PAK5: variants seen among roughly 807,000 people sequenced by gnomAD.
PAK5 encodes serine/threonine-protein kinase PAK 5.
In PAK5, 16 loss-of-function variants were observed where a neutral mutation model predicts 65.9. The ratio of observed to expected loss-of-function variants is 0.24; its 90% CI spans 0.16 to 0.37. The LOEUF is 0.37. Ranked by LOEUF, PAK5 falls within the 10% of genes least tolerant of loss-of-function variation. PAK5 has a pLI of 1.00. For synonymous variants in PAK5, 371 were observed against 354.9 expected, an observed-to-expected ratio of 1.05 and a Z score of -0.51; for missense variants, 785 against 903.9, an observed-to-expected ratio of 0.87 and a Z score of 1.69.
chr20:9,738,170 C>CA (rs1175049908), intron 1 of PAK5, among the ~76,000 whole-genome samples: 2 of 150,160 alleles, frequency 1.3e-5, no homozygotes, highest in South Asian at 4.2e-4. Flanking sequence ...AACAAACAAA[C>CA]AAAAAAACAA....
chr20:9,768,166 C>T (rs982434457), intron 1 of PAK5, among the ~76,000 whole-genome samples: 21 of 151,590 alleles, frequency 1.4e-4, no homozygotes, highest in African/African-American at 4.8e-4. Context: ...TTTTTTTCTT[C>T]CTGTTTAAGT....
intron 1 of PAK5, among the ~76,000 whole-genome samples, chr20:9,803,067 A>G (rs1303854547): frequency 1.3e-5 from 2 of 151,554 alleles, no homozygotes; most frequent in Non-Finnish European, 2.9e-5. Context: ...GAAAATCACA[A>G]CTAACCTGAA....
At chr20:9,669,403 TTA>T (rs1338093909) in intron 2 of PAK5, among the ~76,000 whole-genome samples, 7 of 152,182 alleles carry the variant, frequency 4.6e-5, no homozygotes, top group Non-Finnish European at 1.0e-4. Flanking sequence ...TTTTAAGTGA[TTA>T]TGTTATTTTT....
At chr20:9,831,890 T>C (rs1167226316) in intron 1 of PAK5, among the ~76,000 whole-genome samples, 1 of 152,198 alleles carries the variant, frequency 6.6e-6, no homozygotes, top group South Asian at 2.1e-4. Flanking sequence ...CCTAACTTTT[T>C]AATTTTGTTC....
At chr20:9,568,702 C>T (rs1415239911) in intron 4 of PAK5, among the ~76,000 whole-genome samples, 1 of 152,184 alleles carries the variant, frequency 6.6e-6, no homozygotes, top group East Asian at 1.9e-4. Flanking sequence ...TGCAGTGGCT[C>T]ATGCCTGTAA....
chr20:9,605,209 T>C (rs537835881), intron 3 of PAK5, among the ~76,000 whole-genome samples: 3 of 152,354 alleles, frequency 2.0e-5, no homozygotes, highest in East Asian at 1.9e-4. Context: ...CCTTTCCACA[T>C]TGGTTAAGGA....
chr20:9,706,171 A>T (rs1189505674), intron 2 of PAK5, among the ~76,000 whole-genome samples: 1 of 152,168 alleles, frequency 6.6e-6, no homozygotes, highest in Non-Finnish European at 1.5e-5. Flanking sequence ...CTTCACAGAG[A>T]CTTGGCCTTG....
chr20:9,685,233 T>C (rs2047702299), intron 2 of PAK5, among the ~76,000 whole-genome samples: 1 of 152,182 alleles, frequency 6.6e-6, no homozygotes, highest in Non-Finnish European at 1.5e-5. Flanking sequence ...CTTACAGTTT[T>C]CCCCCTTGGT....
intron 1 of PAK5, among the ~76,000 whole-genome samples, chr20:9,837,282 T>G (rs1979228586): frequency 6.6e-6 from 1 of 152,194 alleles, no homozygotes; most frequent in African/African-American, 2.4e-5. Context: ...ATGGCTTTAA[T>G]TTACTTAAAT....
chr20:9,757,067 G>A (rs1173115981), intron 1 of PAK5, among the ~76,000 whole-genome samples: 1 of 152,014 alleles, frequency 6.6e-6, no homozygotes, highest in Non-Finnish European at 1.5e-5. Context: ...GTCCATAATG[G>A]CAACTCATTT....
chr20:9,586,268 C>T (rs899070456), intron 3 of PAK5, among the ~76,000 whole-genome samples: 6 of 152,114 alleles, frequency 3.9e-5, no homozygotes, highest in African/African-American at 1.4e-4. Flanking sequence ...GAAAAAAAAT[C>T]ATTCCCTGTG....
chr20:9,682,598 A>G (rs1406084603), intron 2 of PAK5, among the ~76,000 whole-genome samples: 1 of 152,190 alleles, frequency 6.6e-6, no homozygotes. Context: ...GGGGAATTAC[A>G]ACTTGAATAT....
chr20:9,549,027 C>G (rs1284535547), intron 7 of PAK5, among the ~76,000 whole-genome samples: 1 of 152,018 alleles, frequency 6.6e-6, no homozygotes, highest in Non-Finnish European at 1.5e-5. Context: ...CATAGAATTT[C>G]ACATGTAGTA....
At chr20:9,745,358 A>G (rs2048494731) in intron 1 of PAK5, among the ~76,000 whole-genome samples, 1 of 152,004 alleles carries the variant, frequency 6.6e-6, no homozygotes, top group African/African-American at 2.4e-5. Flanking sequence ...CATATCACCA[A>G]TGTCACAGTT....
intron 1 of PAK5, among the ~76,000 whole-genome samples, chr20:9,750,049 T>G (rs1392079841): frequency 6.6e-6 from 1 of 152,184 alleles, no homozygotes; most frequent in Admixed American, 6.5e-5. Flanking sequence ...TTAGTAAATA[T>G]CCAATAAAAT....
chr20:9,759,268 T>C (rs192156345), intron 1 of PAK5, among the ~76,000 whole-genome samples: 2 of 152,204 alleles, frequency 1.3e-5, no homozygotes, highest in African/African-American at 2.4e-5. Flanking sequence ...GATAACACCA[T>C]GTTTTAATAA....
At chr20:9,760,628 C>G (rs1358864513) in intron 1 of PAK5, among the ~76,000 whole-genome samples, 1 of 147,578 alleles carries the variant, frequency 6.8e-6, no homozygotes, top group East Asian at 2.0e-4. Context: ...TGAAGTTCAT[C>G]ATCTATATCA....
chr20:9,808,620 C>T (rs1327728638), intron 1 of PAK5, among the ~76,000 whole-genome samples: 1 of 152,060 alleles, frequency 6.6e-6, no homozygotes, highest in African/African-American at 2.4e-5. Flanking sequence ...AAGAAGCGAT[C>T]GCAAAGGAAT....
chr20:9,731,298 G>A (rs1185610168), intron 1 of PAK5, among the ~76,000 whole-genome samples: 2 of 152,202 alleles, frequency 1.3e-5, no homozygotes, highest in Middle Eastern at 3.4e-3. Flanking sequence ...AAAGAGGTGA[G>A]TTTAATTTTA....
Sources: allele counts gnomAD v4.1 joint callset (sites outside exome capture counted in the v4.1 genomes callset), GRCh38; gene constraint gnomAD v4.1.1; transcripts MANE v1.5; gene names NCBI Gene and HGNC (gene_info 2026-07-23, HGNC 2026-07-21).